The following EPB41L2 variants were observed in gnomAD, a reference collection of about 807,000 sequenced individuals.
EPB41L2 encodes band 4.1-like protein 2.
Under a neutral mutation model 113.0 loss-of-function variants are expected in EPB41L2, and 43 were observed. That is an observed-to-expected ratio of 0.38 (90% CI 0.30 to 0.49). The LOEUF is 0.49. Ranked by LOEUF, EPB41L2 falls within the 20% of genes least tolerant of loss-of-function variation. The pLI is 0.95. For synonymous variants in EPB41L2, 442 were observed against 436.7 expected (o/e 1.01, Z -0.15); for missense variants, 1,147 against 1,223.4 (o/e 0.94, Z 0.93).
intron 16 of EPB41L2, among the ~76,000 whole-genome samples, chr6:130,867,007 C>T (rs923456424): frequency 1.3e-5 from 2 of 151,902 alleles, no homozygotes; most frequent in African/African-American, 4.8e-5. Context: ...TGTGTTATTA[C>T]AAGCAAGAAT....
At chr6:131,030,601 G>A (rs6916434) in intron 1 of EPB41L2, among the ~76,000 whole-genome samples, 4,763 of 152,256 alleles carry the variant, frequency 0.031, 263 homozygotes, top group African/African-American at 0.11. Flanking sequence ...ACCTCAGTAT[G>A]AAACAATTTT....
intron 1 of EPB41L2, among the ~76,000 whole-genome samples, chr6:130,985,200 C>T (rs1224355351): frequency 6.6e-6 from 1 of 152,278 alleles, no homozygotes; most frequent in East Asian, 1.9e-4. Flanking sequence ...CTGAATAATG[C>T]TTTTTAACCA....
intron 1 of EPB41L2, among the ~76,000 whole-genome samples, chr6:131,031,040 C>G (rs1039829489): frequency 6.6e-6 from 1 of 151,718 alleles, no homozygotes; most frequent in African/African-American, 2.4e-5. Context: ...TGCAATGAGC[C>G]AAAATGGTGC....
intron 1 of EPB41L2, among the ~76,000 whole-genome samples, chr6:131,018,532 G>T (rs574834312): frequency 6.6e-6 from 1 of 152,052 alleles, no homozygotes; most frequent in African/African-American, 2.4e-5. Flanking sequence ...TAATTTTTTC[G>T]TATGGAAGTT....
chr6:130,917,473 T>C (rs1801490612), intron 4 of EPB41L2, among the ~76,000 whole-genome samples: 1 of 152,184 alleles, frequency 6.6e-6, no homozygotes. Flanking sequence ...CCAAGTGATA[T>C]CAGATCACCC....
chr6:130,973,785 CAT>C (rs1777483791), intron 1 of EPB41L2, among the ~76,000 whole-genome samples: 1 of 152,180 alleles, frequency 6.6e-6, no homozygotes, highest in Non-Finnish European at 1.5e-5. Context: ...GTTCATCTTA[CAT>C]ATGTTGACTG....
chr6:130,983,831 A>G (rs1179154152), intron 1 of EPB41L2, among the ~76,000 whole-genome samples: 1 of 152,102 alleles, frequency 6.6e-6, no homozygotes, highest in East Asian at 1.9e-4. Flanking sequence ...GCCCAGCCTG[A>G]CTACAGATTT....
intron 19 of EPB41L2, among the ~76,000 whole-genome samples, chr6:130,856,867 T>A (rs1376093962): frequency 3.3e-5 from 5 of 152,182 alleles, no homozygotes; most frequent in Non-Finnish European, 7.3e-5. Flanking sequence ...TCCCCTACTC[T>A]TGACCATTTA....
At chr6:130,945,911 G>A (rs183806080) in intron 3 of EPB41L2, among the ~76,000 whole-genome samples, 35 of 152,160 alleles carry the variant, frequency 2.3e-4, no homozygotes, top group African/African-American at 8.4e-4. Context: ...GAGTGCTAGA[G>A]TCAAGTCCCT....
At chr6:130,929,975 G>A (rs1334933180) in intron 3 of EPB41L2, among the ~76,000 whole-genome samples, 5 of 151,808 alleles carry the variant, frequency 3.3e-5, no homozygotes, top group South Asian at 4.2e-4. Context: ...AAGGTATCAC[G>A]AGGCCAACCT....
chr6:131,011,669 T>G (rs1225134163), intron 1 of EPB41L2, among the ~76,000 whole-genome samples: 1 of 152,210 alleles, frequency 6.6e-6, no homozygotes, highest in African/African-American at 2.4e-5. Flanking sequence ...CTTTGATGGG[T>G]ATTCCTTTCA....
At chr6:130,971,472 A>G (rs77765801) in intron 1 of EPB41L2, among the ~76,000 whole-genome samples, 1 of 152,154 alleles carries the variant, frequency 6.6e-6, no homozygotes, top group South Asian at 2.1e-4. Flanking sequence ...TATTACGTAG[A>G]ATAAGGGTGA....
chr6:130,864,503 G>C (rs1002760173), intron 17 of EPB41L2, among the ~76,000 whole-genome samples: 4 of 152,316 alleles, frequency 2.6e-5, no homozygotes, highest in African/African-American at 9.6e-5. Context: ...TATGGGCTCC[G>C]TACAAGCTGC....
At chr6:130,874,001 T>A (rs1256910236) in intron 14 of EPB41L2, among the ~76,000 whole-genome samples, 1 of 152,054 alleles carries the variant, frequency 6.6e-6, no homozygotes, top group African/African-American at 2.4e-5. Flanking sequence ...CAGTGAGAGA[T>A]CACTGGGGAA....
At chr6:130,985,626 T>TTG (rs2128684546) in intron 1 of EPB41L2, among the ~76,000 whole-genome samples, 1 of 152,200 alleles carries the variant, frequency 6.6e-6, no homozygotes, top group South Asian at 2.1e-4. Context: ...TCCTGTGTCA[T>TTG]TGTGAGTAGG....
intron 1 of EPB41L2, among the ~76,000 whole-genome samples, chr6:131,030,345 C>T (rs1791889745): frequency 6.6e-6 from 1 of 152,178 alleles, no homozygotes; most frequent in African/African-American, 2.4e-5. Flanking sequence ...AATAAACTGG[C>T]AAATTTCTAC....
At chr6:130,845,253 C>T (rs1776664650) in intron 19 of EPB41L2, among the ~76,000 whole-genome samples, 1 of 152,212 alleles carries the variant, frequency 6.6e-6, no homozygotes, top group African/African-American at 2.4e-5. Context: ...CATACTAAGA[C>T]ATTATGTCCT....
intron 4 of EPB41L2, among the ~76,000 whole-genome samples, chr6:130,924,618 G>A (rs574371317): frequency 6.6e-6 from 1 of 152,248 alleles, no homozygotes; most frequent in East Asian, 1.9e-4. Flanking sequence ...CTGACCTCAT[G>A]ATCTGCCCGC....
chr6:130,932,227 TA>T (rs1335511628), intron 3 of EPB41L2, among the ~76,000 whole-genome samples: 1 of 152,054 alleles, frequency 6.6e-6, no homozygotes, highest in Non-Finnish European at 1.5e-5. Context: ...GAATTTCTTT[TA>T]AAATAATTAA....
Sources: allele counts gnomAD v4.1 joint callset (sites outside exome capture counted in the v4.1 genomes callset), GRCh38; gene constraint gnomAD v4.1.1; transcripts MANE v1.5; gene names NCBI Gene and HGNC (gene_info 2026-07-23, HGNC 2026-07-21).